TLK1: variants seen among roughly 807,000 people sequenced by gnomAD.
The protein encoded by TLK1 is serine/threonine-protein kinase tousled-like 1.
TLK1 carries 24 observed loss-of-function variants against 105.3 expected under a neutral mutation model. The observed-to-expected ratio is 0.23, with a 90% CI of 0.17 to 0.32. The LOEUF (loss-of-function observed/expected upper bound fraction) is 0.32, where lower values mean the gene tolerates loss of function less well. Among genes scored for constraint, TLK1 ranks in the 10% least tolerant of loss-of-function variants. The probability of loss-of-function intolerance (pLI) is 1.00; values close to 1 mark genes in which losing one functional copy is unlikely to be tolerated. For missense variants in TLK1, 558 were observed against 910.5 expected (o/e 0.61, Z 4.98); for synonymous variants, 321 against 310.4 (o/e 1.03, Z -0.36).
At chr2:171,032,241 G>A (rs1325130538) in intron 11 of TLK1, among the ~76,000 whole-genome samples, 1 of 152,178 alleles carries the variant, frequency 6.6e-6, no homozygotes. Flanking sequence ...AGTCCTACCA[G>A]AGCAGTCAGG....
chr2:171,050,000 A>G (rs778511626), intron 9 of TLK1, 50 bp from the exon 10 acceptor site: 20 of 1,610,752 alleles, frequency 1.2e-5, no homozygotes, highest in Non-Finnish European at 1.7e-5. Flanking sequence ...TTAATTTATA[A>G]AAGCATACAA....
intron 1 of TLK1, among the ~76,000 whole-genome samples, chr2:171,175,929 TG>T (rs1406013193): frequency 2.0e-5 from 3 of 151,572 alleles, no homozygotes; most frequent in African/African-American, 7.3e-5. Flanking sequence ...GTTTTTTTTT[TG>T]TTTTTGTTTT....
chr2:171,022,086 AAC>A (rs557803785), intron 12 of TLK1, among the ~76,000 whole-genome samples: 1,754 of 103,078 alleles, frequency 0.017, 34 homozygotes, highest in African/African-American at 0.047. Flanking sequence ...CTGGGCGAAA[AAC>A]ACACACACAC....
chr2:171,095,757 G>A (rs534469634), intron 2 of TLK1, among the ~76,000 whole-genome samples: 77 of 151,376 alleles, frequency 5.1e-4, no homozygotes, highest in East Asian at 9.7e-4. Flanking sequence ...AATAGATACA[G>A]AAAATGCATC....
intron 1 of TLK1, among the ~76,000 whole-genome samples, chr2:171,169,474 A>T (rs755718825): frequency 2.0e-5 from 3 of 152,202 alleles, no homozygotes; most frequent in Non-Finnish European, 4.4e-5. Flanking sequence ...AAATATTTTT[A>T]TTACCAGTTC....
rs1464366790 is a variant in TLK1 at position 170,992,776 on chromosome 2, G to A, written c.*1004C>T. ...GCAACATCATTTAGCAGCAATTAGA[G>A]TGCCTTCAAGAAGACTTAAAAAAAA... On this transcript the variant is annotated 3_prime_UTR_variant, in exon 21 of 21. Coordinates refer to ENST00000431350, the MANE Select transcript of TLK1 (RefSeq NM_012290.5). 1 of 152,494 alleles carries A rather than the reference G, an allele frequency of 6.6e-6. No homozygotes were observed. Among genetic ancestry groups the A allele is most frequent in the Admixed American group, 6.5e-5 (1 of 15,268 alleles). The allele number at this position is 152,494 out of a possible 1,614,324, so 9.4% of individuals were successfully genotyped here.
At position 171,056,577 on chromosome 2, in the gene TLK1, GA is replaced by G; in HGVS notation, c.454-12del. 2 of 1,598,754 alleles carry G rather than the reference GA, an allele frequency of 1.3e-6. No individual in the cohort carries two copies. Among genetic ancestry groups the G allele is most frequent in the Non-Finnish European group, 1.7e-6 (2 of 1,169,150 alleles). On this transcript the variant is annotated splice_polypyrimidine_tract_variant and intron_variant, in intron 5 of 20. Transcript: ENST00000431350. ...ATTTCCACCCTGGTACTGAGTAAAA[GA>G]AAAAGGAAGCATTATTATTTACTAA...
chr2:171,018,172 G>T (rs926695888), intron 12 of TLK1, among the ~76,000 whole-genome samples: 1 of 152,146 alleles, frequency 6.6e-6, no homozygotes, highest in Non-Finnish European at 1.5e-5. Context: ...TGAGAAGAAA[G>T]GTTCCCCCAC....
intron 2 of TLK1, among the ~76,000 whole-genome samples, chr2:171,104,906 T>TA (rs1176036599): frequency 6.6e-6 from 1 of 152,216 alleles, no homozygotes; most frequent in Non-Finnish European, 1.5e-5. Context: ...TATGGCCAAC[T>TA]AATCTTCGAC....
chr2:171,055,242 T>A lies in TLK1; in HGVS notation c.550-70A>T, dbSNP rs1575558202. The A allele has an allele frequency of 3.3e-6, 3 of 916,280 alleles. No homozygotes were observed. The East Asian group carries it at 9.8e-5, about 30-fold the overall frequency. The allele number at this position is 916,280 out of a possible 1,614,324, so 56.8% of individuals were successfully genotyped here. A position where few individuals can be genotyped will look rare whatever the true frequency, so the allele number is the denominator to read the frequency against. On this transcript the variant is annotated intron_variant, in intron 6 of 20. Coordinates refer to ENST00000431350, the MANE Select transcript of TLK1 (RefSeq NM_012290.5). ...AAAAACACAAAACAAAACAGATTTCTAATTAGCAACAATTACTTAACATTT... is the reference window on the plus strand; with the variant it reads ...AAAAACACAAAACAAAACAGATTTCAAATTAGCAACAATTACTTAACATTT...
chr2:171,225,766 A>T (rs1693886273), intron 1 of TLK1, among the ~76,000 whole-genome samples: 1 of 152,244 alleles, frequency 6.6e-6, no homozygotes, highest in African/African-American at 2.4e-5. Flanking sequence ...GCATACACAC[A>T]TCATTTTCAG....
At chr2:171,020,756 TAGACA>T in intron 12 of TLK1, among the ~76,000 whole-genome samples, 1 of 152,200 alleles carries the variant, frequency 6.6e-6, no homozygotes, top group East Asian at 1.9e-4. Flanking sequence ...AATAACCACC[TAGACA>T]AAGCAGGTCT....
At chr2:171,205,615 C>T (rs1693490164) in intron 1 of TLK1, among the ~76,000 whole-genome samples, 1 of 152,178 alleles carries the variant, frequency 6.6e-6, no homozygotes, top group Non-Finnish European at 1.5e-5. Flanking sequence ...TGAGCCACAG[C>T]ACCAGGCCAA....
chr2:171,187,938 C>T (rs1263161737), intron 1 of TLK1, among the ~76,000 whole-genome samples: 1 of 152,136 alleles, frequency 6.6e-6, no homozygotes, highest in African/African-American at 2.4e-5. Context: ...TAAAAAGAAA[C>T]TTCATGTTGA....
rs1684682666 is a variant in TLK1, at chr2:171,007,045, G to T, written c.1435C>A (p.Gln479Lys). Reference sequence around the variant, plus strand: ...TGTATCTTCACAGCAGCATATCTTTGTTCATAAAGGTCAAAAGCCTAGGAT... The same window carrying T: ...TGTATCTTCACAGCAGCATATCTTTTTTCATAAAGGTCAAAAGCCTAGGAT... ...EVYKAFDLYE[Q>K]RYAAVKIHQL... The change falls in exon 15 of 21, where the codon CAA (glutamine) becomes AAA (lysine). Residue 479 changes from glutamine (Q) to lysine (K), a missense_variant. Coordinates refer to ENST00000431350, the MANE Select transcript of TLK1 (RefSeq NM_012290.5). 6.2e-7 allele frequency: 1 copy of T among 1,605,270 alleles called. No individual in the cohort carries two copies. The highest frequency in any genetic ancestry group is 1.7e-5 in the Admixed American group (1 of 58,666).
chr2:171,056,602 A>G (rs1687513355), intron 5 of TLK1, 36 bp from the exon 6 acceptor site: 1 of 1,533,154 alleles, frequency 6.5e-7, no homozygotes, highest in East Asian at 2.3e-5. Flanking sequence ...ATTATTTACT[A>G]AAGCAGGCTC....
At chr2:171,132,075 ATGAAGAAATACCTGAGAC>A (rs1435631953) in intron 1 of TLK1, among the ~76,000 whole-genome samples, 1 of 152,214 alleles carries the variant, frequency 6.6e-6, no homozygotes, top group Non-Finnish European at 1.5e-5. Flanking sequence ...TCACACTGCT[ATGAAGAAATACCTGAGAC>A]TGGGTAATTA....
chr2:171,153,092 A>G (rs1015662568), intron 1 of TLK1, among the ~76,000 whole-genome samples: 1 of 152,246 alleles, frequency 6.6e-6, no homozygotes, highest in Non-Finnish European at 1.5e-5. Flanking sequence ...TTAGTAAGTT[A>G]AAATCTGCTT....
chr2:171,029,702 C>T (rs1442667858), intron 11 of TLK1, among the ~76,000 whole-genome samples: 1 of 151,680 alleles, frequency 6.6e-6, no homozygotes, highest in Non-Finnish European at 1.5e-5. Flanking sequence ...CTTATTATTT[C>T]AAATATTATT....
Sources: allele counts gnomAD v4.1 joint callset (sites outside exome capture counted in the v4.1 genomes callset), GRCh38; gene constraint gnomAD v4.1.1; transcripts MANE v1.5; gene names NCBI Gene and HGNC (gene_info 2026-07-23, HGNC 2026-07-21).